The following GSTM2 variants were observed in gnomAD, a reference collection of about 807,000 sequenced individuals.
The protein encoded by GSTM2 is glutathione S-transferase mu 2.
In GSTM2, 33 loss-of-function variants were observed where a neutral mutation model predicts 33.3. That is an observed-to-expected ratio of 0.99 (90% CI 0.75 to 1.33). GSTM2 has a LOEUF of 1.33. Among genes scored for constraint, GSTM2 ranks in the 40% most tolerant of loss-of-function variants. The probability of loss-of-function intolerance (pLI) is 0.00; values close to 1 mark genes in which losing one functional copy is unlikely to be tolerated. For synonymous variants in GSTM2, 93 were observed against 95.6 expected (o/e 0.97, Z 0.16); for missense variants, 213 against 265.8 (o/e 0.80, Z 1.38).
chr1:109,674,441 C>A (rs1647648214), intron 7 of GSTM2, among the ~76,000 whole-genome samples: 1 of 152,130 alleles, frequency 6.6e-6, no homozygotes, highest in Non-Finnish European at 1.5e-5. Context: ...ATAGATTCAG[C>A]CTTGCAGAGT....
chr1:109,669,289 G>A lies in GSTM2; in HGVS notation c.178-1G>A. 1.2e-6 allele frequency: 2 copies of A among 1,614,114 alleles called. No individual in the cohort carries two copies. The highest frequency in any genetic ancestry group is 4.5e-5 in the East Asian group (2 of 44,890). On this transcript the variant is annotated splice_acceptor_variant, in intron 3 of 7. Transcript: ENST00000241337. LOFTEE classifies it high-confidence loss of function. ...GCTTCCCCGGTTTCCCATCTATCCA[G>A]CTGCCCTACTTGATTGATGGGACTC...
chr1:109,674,750 T>A lies in GSTM2; in HGVS notation c.571T>A (p.Leu191Met), dbSNP rs138990711. ...GCCTTATTTTCCCCCCTCTCAGGGC[T>A]TGGAGAAGATCTCTGCCTACATGAA... ...LKDFISRFEG[L>M]EKISAYMKSS... is the part of the protein sequence containing the mutation. Residue 191 changes from leucine to methionine, a missense_variant, in exon 8 of 8, where the codon TTG becomes ATG. Leu to Met is a conservative substitution (Grantham distance 15). Coordinates refer to ENST00000241337, the MANE Select transcript of GSTM2 (RefSeq NM_000848.4). 26 of 1,614,090 alleles carry A rather than the reference T, an allele frequency of 1.6e-5. No homozygotes were observed. The highest frequency in any genetic ancestry group is 1.9e-5 in the Non-Finnish European group (22 of 1,180,050).
chr1:109,669,862 C>T, intron 5 of GSTM2: 1 of 360,002 alleles, frequency 2.8e-6, no homozygotes, highest in African/African-American at 2.1e-5. Context: ...TGCTACAGCT[C>T]TTAAAGGTGG....
chr1:109,673,504 T>A, intron 7 of GSTM2: 1 of 473,016 alleles, frequency 2.1e-6, no homozygotes. Context: ...CTTGCTCAGC[T>A]AGTTCCCATC....
At chr1:109,672,946 T>G (rs1647599221) in intron 7 of GSTM2, among the ~76,000 whole-genome samples, 1 of 150,830 alleles carries the variant, frequency 6.6e-6, no homozygotes, top group Non-Finnish European at 1.5e-5. Context: ...CTCGGCTCAC[T>G]GCAACCTCTG....
intron 2 of GSTM2, 111 bp from the exon 3 acceptor site, chr1:109,668,814 T>G: frequency 7.8e-7 from 1 of 1,275,882 alleles, no homozygotes; most frequent in South Asian, 1.2e-5. Flanking sequence ...AGTGGTCAGA[T>G]TCTAGATCCA....
downstream of GSTM2, among the ~76,000 whole-genome samples, chr1:109,680,239 G>A (rs989698702): frequency 6.7e-5 from 10 of 148,184 alleles, no homozygotes; most frequent in African/African-American, 2.2e-4. Flanking sequence ...TCTTAGTGGT[G>A]TCACTTCAAA....
intron 7 of GSTM2, among the ~76,000 whole-genome samples, chr1:109,680,295 A>AT (rs1242152834): frequency 6.6e-6 from 1 of 151,488 alleles, no homozygotes; most frequent in Admixed American, 6.6e-5. Flanking sequence ...AAAAAAAAAA[A>AT]ATACACAAGT....
intron 4 of GSTM2, 30 bp downstream of exon 4, chr1:109,669,401 A>G: frequency 6.2e-7 from 1 of 1,614,012 alleles, no homozygotes; most frequent in Non-Finnish European, 8.5e-7. Context: ...AGATGCGGGG[A>G]GGGACCGTGG....
chr1:109,668,295 T>A, intron 1 of GSTM2, 130 bp from the exon 2 acceptor site: 1 of 1,199,342 alleles, frequency 8.3e-7, no homozygotes, highest in Non-Finnish European at 1.2e-6. Context: ...TCTGTGCGTG[T>A]GGCTGGGCGT....
chr1:109,677,127 C>T (rs1376798368), downstream of GSTM2, among the ~76,000 whole-genome samples: 1 of 152,144 alleles, frequency 6.6e-6, no homozygotes, highest in African/African-American at 2.4e-5. Flanking sequence ...GTTAAAAACC[C>T]CTAAGATCCT....
At chr1:109,669,746 C>T (rs1247951991) in intron 5 of GSTM2, 175 bp downstream of exon 5, 3 of 591,926 alleles carry the variant, frequency 5.1e-6, no homozygotes, top group Middle Eastern at 4.4e-4. Context: ...ATGGTGTGTC[C>T]GGAGTTTGTT....
intron 7 of GSTM2, chr1:109,673,451 C>A (rs926556896): frequency 1.7e-6 from 1 of 605,734 alleles, no homozygotes; most frequent in Non-Finnish European, 2.8e-6. Flanking sequence ...GGCTTCTGAG[C>A]CTTGAATCTG....
chr1:109,676,586 C>T (rs1647710950), downstream of GSTM2, among the ~76,000 whole-genome samples: 1 of 152,142 alleles, frequency 6.6e-6, no homozygotes, highest in Admixed American at 6.5e-5. Context: ...CTCCTGACCT[C>T]GTGATCCACC....
chr1:109,682,779 G>A lies in GSTM2; in HGVS notation c.567+11196G>A, dbSNP rs1325627918. Among the ~76,000 whole-genome samples the A allele has an allele frequency of 4.2e-4, 52 of 124,856 alleles. 2 individuals carry two copies. Among genetic ancestry groups the A allele is most frequent in the South Asian group, 9.9e-4 (4 of 4,052 alleles). The allele number at this position is 124,856 out of a possible 152,430, so 81.9% of individuals were successfully genotyped here. A position where few individuals can be genotyped will look rare whatever the true frequency, so the allele number is the denominator to read the frequency against. On this transcript the variant is annotated intron_variant, in intron 7 of 7. Coordinates refer to the GSTM2 transcript ENST00000369831. The stretch of plus-strand genomic sequence containing the variant: ...TCTATTTTCTTCTTTTCAGATTGAA[G>A]AAAAGATTCTTTATATTTCAGATTT...
At chr1:109,670,993 G>A (rs573946558) in intron 5 of GSTM2, 4 of 392,406 alleles carry the variant, frequency 1.0e-5, no homozygotes, top group Middle Eastern at 7.1e-4. Context: ...CCTACCAGGT[G>A]CTCAGGTGCT....
At chr1:109,680,408 T>C (rs1049052335) in intron 7 of GSTM2, among the ~76,000 whole-genome samples, 1 of 151,134 alleles carries the variant, frequency 6.6e-6, no homozygotes, top group Non-Finnish European at 1.5e-5. Flanking sequence ...AAGCACTGTC[T>C]GAGATGCCTC....
chr1:109,678,075 C>T (rs1451548148), downstream of GSTM2, among the ~76,000 whole-genome samples: 1 of 152,132 alleles, frequency 6.6e-6, no homozygotes, highest in African/African-American at 2.4e-5. Flanking sequence ...TTTATTCATG[C>T]CTACTTCTTC....
At chr1:109,668,280 C>G in intron 1 of GSTM2, 129 bp downstream of exon 1, 3 of 1,293,968 alleles carry the variant, frequency 2.3e-6, no homozygotes, top group Non-Finnish European at 2.2e-6. Context: ...CTGTGCTTGC[C>G]GCTGTCTGTG....
Sources: allele counts gnomAD v4.1 joint callset (sites outside exome capture counted in the v4.1 genomes callset), GRCh38; gene constraint gnomAD v4.1.1; transcripts MANE v1.5; gene names NCBI Gene and HGNC (gene_info 2026-07-23, HGNC 2026-07-21).